Variants in DLGAP1 observed in about 807,000 individuals in gnomAD.
DLGAP1 encodes disks large-associated protein 1.
In DLGAP1, 11 loss-of-function variants were observed where a neutral mutation model predicts 90.8. That is an observed-to-expected ratio of 0.12 (90% CI 0.08 to 0.20). The LOEUF (loss-of-function observed/expected upper bound fraction) is 0.20. Among genes scored for constraint, DLGAP1 ranks in the 10% least tolerant of loss-of-function variants. The pLI is 1.00. For synonymous variants in DLGAP1, 558 were observed against 540.7 expected, an observed-to-expected ratio of 1.03 and a Z score of -0.44; for missense variants, 1,050 against 1,333.8, an observed-to-expected ratio of 0.79 and a Z score of 3.31.
At chr18:4,158,350 AAGGAAGGACAG>A (rs2144483360) in intron 1 of DLGAP1, among the ~76,000 whole-genome samples, 1 of 152,290 alleles carries the variant, frequency 6.6e-6, no homozygotes, top group East Asian at 1.9e-4. Context: ...GGAATGGCAG[AAGGAAGGACAG>A]TTTTATACAT....
rs1199869148 is a variant in DLGAP1 at position 3,720,897 on chromosome 18, A to AAAAAAAAG, written c.1591+8237_1591+8238insCTTTTTTT. On this transcript the variant is annotated intron_variant, in intron 7 of 12. Coordinates refer to ENST00000315677, the MANE Select transcript of DLGAP1 (RefSeq NM_004746.4). The stretch of plus-strand genomic sequence containing the variant: ...TAAGACCTTGTCTCTACAAAAAAAA[A>AAAAAAAAG]AAAAAAAAAAAATTAGCTGGGCCTG... 1.8e-4 allele frequency among the ~76,000 whole-genome samples: 24 copies of AAAAAAAAG among 135,820 alleles called. No homozygotes were observed. The East Asian group carries it at 3.4e-3, about 19-fold the overall frequency. 89.1% of individuals were successfully genotyped at this position (135,820 alleles called of 152,430 possible).
intron 4 of DLGAP1, among the ~76,000 whole-genome samples, chr18:3,828,744 TC>T (rs1454737361): frequency 6.6e-6 from 1 of 151,686 alleles, no homozygotes; most frequent in Non-Finnish European, 1.5e-5. Flanking sequence ...TACATAGTAT[TC>T]AATGTCAATA....
intron 7 of DLGAP1, among the ~76,000 whole-genome samples, chr18:3,661,401 A>G (rs940887743): frequency 1.3e-5 from 2 of 152,148 alleles, no homozygotes; most frequent in African/African-American, 4.8e-5. Context: ...CCCAGATCTC[A>G]TGAAACAGGC....
chr18:3,824,765 C>G (rs1256944219), intron 4 of DLGAP1, among the ~76,000 whole-genome samples: 4 of 152,184 alleles, frequency 2.6e-5, no homozygotes, highest in Non-Finnish European at 5.9e-5. Context: ...CATCTTGGGG[C>G]TGTTTGGACT....
chr18:4,069,018 A>G (rs371400104), intron 2 of DLGAP1, among the ~76,000 whole-genome samples: 2 of 152,020 alleles, frequency 1.3e-5, no homozygotes, highest in African/African-American at 2.4e-5. Context: ...TGAGTTACTT[A>G]GCCTTCTCAG....
chr18:3,542,078 AT>A (rs561615545), intron 9 of DLGAP1, among the ~76,000 whole-genome samples: 7 of 152,236 alleles, frequency 4.6e-5, no homozygotes, highest in South Asian at 4.1e-4. Flanking sequence ...TAATGCCAGC[AT>A]TTTTTCTCTT....
intron 1 of DLGAP1, among the ~76,000 whole-genome samples, chr18:4,418,885 G>T (rs571677988): frequency 2.0e-5 from 3 of 151,732 alleles, no homozygotes; most frequent in African/African-American, 4.8e-5. Context: ...CTCAGAGAGC[G>T]CAAAGCATGA....
At position 3,879,696 on chromosome 18, in the gene DLGAP1, G is replaced by A. The variant is rs1316366739; in HGVS notation, c.373C>T (p.Arg125Cys). 2 of 1,608,072 alleles carry A rather than the reference G, an allele frequency of 1.2e-6. No homozygotes were observed. Among genetic ancestry groups the A allele is most frequent in the Non-Finnish European group, 8.5e-7 (1 of 1,179,804 alleles). Residue 125 changes from arginine (R) to cysteine (C), a missense_variant, in exon 4 of 13, where the codon CGC (arginine) becomes TGC (cysteine). By Grantham distance (180) the Arg-to-Cys change is radical. Around this residue, in one of 2 missense-constraint regions of DLGAP1, gnomAD observed 485 missense variants for 454.1 expected, o/e 1.07. Coordinates refer to ENST00000315677, the MANE Select transcript of DLGAP1 (RefSeq NM_004746.4). The surrounding 1 kb of genome is among the most constrained non-coding windows in gnomAD (Gnocchi z 6.6). ...TCGCTGCGGTGCTCCACGGCCGTGCGCTTGTACTGCAGGGTGTGATAGCCA... is the reference window on the plus strand; with the variant it reads ...TCGCTGCGGTGCTCCACGGCCGTGCACTTGTACTGCAGGGTGTGATAGCCA... ...RDGYHTLQYKRTAVEHRSDSP... is the reference protein window; with the variant it reads ...RDGYHTLQYKCTAVEHRSDSP...
intron 3 of DLGAP1, among the ~76,000 whole-genome samples, chr18:3,902,607 G>A (rs1438018785): frequency 6.6e-6 from 1 of 152,098 alleles, no homozygotes; most frequent in Non-Finnish European, 1.5e-5. Flanking sequence ...CTGAGCTATA[G>A]TACTGTATCT....
intron 5 of DLGAP1, among the ~76,000 whole-genome samples, chr18:3,770,308 A>C (rs2064469230): frequency 6.6e-6 from 1 of 152,052 alleles, no homozygotes; most frequent in African/African-American, 2.4e-5. Context: ...GAGGTGGTGG[A>C]ATTTTCCTCT....
At chr18:3,800,952 T>G (rs1242575871) in intron 5 of DLGAP1, among the ~76,000 whole-genome samples, 1 of 152,172 alleles carries the variant, frequency 6.6e-6, no homozygotes, top group Non-Finnish European at 1.5e-5. Context: ...CAGCTCATGA[T>G]TCTGCAGGGT....
intron 1 of DLGAP1, among the ~76,000 whole-genome samples, chr18:4,433,853 A>C (rs2144771899): frequency 6.6e-6 from 1 of 152,098 alleles, no homozygotes; most frequent in Non-Finnish European, 1.5e-5. Flanking sequence ...AAGCTCTGCC[A>C]AAAAAAATCA....
intron 2 of DLGAP1, among the ~76,000 whole-genome samples, chr18:4,098,137 C>T (rs1402381699): frequency 6.6e-6 from 1 of 152,162 alleles, no homozygotes; most frequent in African/African-American, 2.4e-5. Context: ...TGGTCTCCAC[C>T]TCTTGGGCTC....
At chr18:4,212,113 A>G (rs537982704) in intron 1 of DLGAP1, among the ~76,000 whole-genome samples, 1 of 152,272 alleles carries the variant, frequency 6.6e-6, no homozygotes, top group South Asian at 2.1e-4. Context: ...TAGAATCTAC[A>G]CAGGTCAAAT....
chr18:4,044,731 A>G (rs1337174203), intron 2 of DLGAP1, among the ~76,000 whole-genome samples: 1 of 152,092 alleles, frequency 6.6e-6, no homozygotes, highest in African/African-American at 2.4e-5. Flanking sequence ...ACAGAGCAAG[A>G]CTCCCTCACC....
intron 8 of DLGAP1, among the ~76,000 whole-genome samples, chr18:3,578,351 G>A (rs1330877608): frequency 1.3e-5 from 2 of 151,680 alleles, no homozygotes; most frequent in African/African-American, 4.8e-5. Context: ...TGAATAGTTT[G>A]CGTCTTTAAT....
chr18:3,799,154 G>A (rs2066163209), intron 5 of DLGAP1, among the ~76,000 whole-genome samples: 1 of 152,182 alleles, frequency 6.6e-6, no homozygotes. Context: ...ACAGGCGTGA[G>A]CCACTGTGTC....
rs553049771 is a variant in DLGAP1 at position 4,291,001 on chromosome 18, A to T, written c.-266-139714T>A. ...GCAGTTGAATATTATTAATCTTTTTAAAAAACAAAAGCATAGTAAGGGGAG... is the reference window on the plus strand; with the variant it reads ...GCAGTTGAATATTATTAATCTTTTTTAAAAACAAAAGCATAGTAAGGGGAG... On this transcript the variant is annotated intron_variant, in intron 1 of 12. Transcript: ENST00000315677. Among the ~76,000 whole-genome samples the T allele has an allele frequency of 9.1e-4, 139 of 152,306 alleles. 1 individual carries two copies. Among genetic ancestry groups the T allele is most frequent in the African/African-American group, 3.3e-3 (136 of 41,558 alleles).
intron 1 of DLGAP1, among the ~76,000 whole-genome samples, chr18:4,425,044 C>T (rs892798620): frequency 1.6e-5 from 2 of 124,522 alleles, no homozygotes; most frequent in African/African-American, 6.5e-5. Context: ...TGCAACATAA[C>T]CACGCATTCC....
Sources: allele counts gnomAD v4.1 joint callset (sites outside exome capture counted in the v4.1 genomes callset), GRCh38; gene constraint gnomAD v4.1.1; regional missense constraint gnomAD v4.1.1; non-coding constraint Gnocchi (gnomAD v3.1); transcripts MANE v1.5; gene names NCBI Gene and HGNC (gene_info 2026-07-23, HGNC 2026-07-21).